The following KDELR2 variants were observed in gnomAD, a reference collection of about 807,000 sequenced individuals.
The protein encoded by KDELR2 is ER lumen protein-retaining receptor 2.
In KDELR2, 15 loss-of-function variants were observed where a neutral mutation model predicts 23.9. The ratio of observed to expected loss-of-function variants is 0.63; its 90% CI spans 0.42 to 0.97. The LOEUF (loss-of-function observed/expected upper bound fraction) is 0.97, where lower values mean the gene tolerates loss of function less well. KDELR2 is among the 50% of genes least tolerant of loss of function. The probability of loss-of-function intolerance (pLI) is 0.00; values close to 1 mark genes in which losing one functional copy is unlikely to be tolerated. For missense variants in KDELR2, 272 were observed against 254.6 expected, an observed-to-expected ratio of 1.07 and a Z score of -0.46; for synonymous variants, 119 against 106.2, an observed-to-expected ratio of 1.12 and a Z score of -0.74.
Position 6,462,712 on chromosome 7 carries a change from G to C in KDELR2, c.*429C>G. ...TGCCAAAAAATAAATATAGTGGAAT[G>C]CAAGTTTGAGGGATGGAAGAATATA... On this transcript the variant is annotated 3_prime_UTR_variant, in exon 5 of 5. Coordinates refer to ENST00000258739, the MANE Select transcript of KDELR2 (RefSeq NM_006854.4). 2.9e-6 allele frequency: 1 copy of C among 346,916 alleles called. No homozygotes were observed. The highest frequency in any genetic ancestry group is 5.2e-6 in the Non-Finnish European group (1 of 193,466). 21.5% of individuals were successfully genotyped at this position (346,916 alleles called of 1,614,324 possible).
intron 3 of KDELR2, among the ~76,000 whole-genome samples, chr7:6,469,238 C>A (rs1239688063): frequency 6.6e-6 from 1 of 152,046 alleles, no homozygotes; most frequent in Non-Finnish European, 1.5e-5. Flanking sequence ...AGGCGTGAGC[C>A]ACTACGCCCA....
At chr7:6,469,911 T>C in intron 2 of KDELR2, 157 bp from the exon 3 acceptor site, 1 of 624,724 alleles carries the variant, frequency 1.6e-6, no homozygotes, top group Non-Finnish European at 2.6e-6. Flanking sequence ...ATTCTCTTTT[T>C]TGGAGGTGTT....
At chr7:6,479,166 T>C (rs1785825586) in intron 1 of KDELR2, among the ~76,000 whole-genome samples, 2 of 152,074 alleles carry the variant, frequency 1.3e-5, no homozygotes, top group South Asian at 4.1e-4. Context: ...CTTTTGTTTG[T>C]CTTTTGTTTT....
intron 4 of KDELR2, 135 bp downstream of exon 4, chr7:6,465,936 A>G: frequency 1.1e-6 from 1 of 885,744 alleles, no homozygotes; most frequent in Non-Finnish European, 1.7e-6. Context: ...CTGATCCAGA[A>G]TGTTATTGGC....
intron 4 of KDELR2, among the ~76,000 whole-genome samples, chr7:6,463,632 CAGG>C (rs148298797): frequency 4.7e-4 from 72 of 151,774 alleles, no homozygotes; most frequent in Non-Finnish European, 9.7e-4. Context: ...CCCAGCTACT[CAGG>C]AGGATGAGCA....
chr7:6,461,138 G>C lies in KDELR2; in HGVS notation c.*2003C>G, dbSNP rs544085767. 6.6e-6 allele frequency: 1 copy of C among 152,190 alleles called. No individual in the cohort carries two copies. Among genetic ancestry groups the C allele is most frequent in the Non-Finnish European group, 1.5e-5 (1 of 68,034 alleles). 9.4% of individuals were successfully genotyped at this position (152,190 alleles called of 1,614,324 possible). A position where few individuals can be genotyped will look rare whatever the true frequency, so the allele number is the denominator to read the frequency against. On this transcript the variant is annotated 3_prime_UTR_variant, in exon 5 of 5. Transcript: ENST00000258739. The stretch of plus-strand genomic sequence containing the variant: ...GGGAAGTGAAAGTAACTGTGAAACA[G>C]TGCTTCATAAGGCGTGGCATACAAG...
At chr7:6,468,074 C>G (rs1345259663) in intron 3 of KDELR2, among the ~76,000 whole-genome samples, 1 of 152,168 alleles carries the variant, frequency 6.6e-6, no homozygotes, top group Non-Finnish European at 1.5e-5. Context: ...AGGCAGGGCT[C>G]TGTGTTTGGT....
Position 6,484,069 on chromosome 7 carries a change from C to CGGT in KDELR2, c.-15_-13dup. On this transcript the variant is annotated 5_prime_UTR_variant, in exon 1 of 5. Transcript: ENST00000258739. ...CGGAAAATGTTCATGGCGGCGGCGG[C>CGGT]GGTGGCGGTCGGCGCAGCGCGGCGG... The CGGT allele has an allele frequency of 1.4e-6, 2 of 1,471,016 alleles. No individual in the cohort carries two copies. Among genetic ancestry groups the CGGT allele is most frequent in the Non-Finnish European group, 1.8e-6 (2 of 1,104,786 alleles). 91.1% of individuals were successfully genotyped at this position (1,471,016 alleles called of 1,614,324 possible). A position where few individuals can be genotyped will look rare whatever the true frequency, so the allele number is the denominator to read the frequency against.
At chr7:6,472,165 A>G (rs1458976860) in intron 2 of KDELR2, among the ~76,000 whole-genome samples, 1 of 152,176 alleles carries the variant, frequency 6.6e-6, no homozygotes, top group Non-Finnish European at 1.5e-5. Context: ...ACATGCATAA[A>G]CAAGACACAC....
rs1785425494 is a variant in KDELR2 at position 6,463,187 on chromosome 7, A to C, written c.605-12T>G. ...CTTTCCCTTGAGTACTAGAATTTCA[A>C]AGAGAAGAAAAGAAAACAAAAGGTT... is the stretch of plus-strand genomic sequence containing the variant. On this transcript the variant is annotated splice_polypyrimidine_tract_variant and intron_variant, in intron 4 of 4. Coordinates refer to ENST00000258739, the MANE Select transcript of KDELR2 (RefSeq NM_006854.4). The C allele has an allele frequency of 6.2e-7, 1 of 1,601,076 alleles. No individual in the cohort carries two copies.
chr7:6,474,150 G>A, intron 2 of KDELR2, 34 bp downstream of exon 2: 3 of 1,319,416 alleles, frequency 2.3e-6, no homozygotes, highest in Non-Finnish European at 3.3e-6. Flanking sequence ...GTGCACTGTA[G>A]ATGAAATACA....
At chr7:6,482,943 C>CTGCA (rs1205810148) in intron 1 of KDELR2, among the ~76,000 whole-genome samples, 1 of 150,910 alleles carries the variant, frequency 6.6e-6, no homozygotes, top group African/African-American at 2.4e-5. Context: ...GAGGTAGAGG[C>CTGCA]TGCAGTGAGC....
chr7:6,479,622 G>A (rs527548694), intron 1 of KDELR2, among the ~76,000 whole-genome samples: 2 of 152,132 alleles, frequency 1.3e-5, no homozygotes, highest in South Asian at 2.1e-4. Context: ...GACTACAGCC[G>A]CCCGCCACCA....
rs1396350979 is a variant in KDELR2 at position 6,466,157 on chromosome 7, T to G, written c.518A>C (p.Glu173Ala). 5 of 1,613,968 alleles carry G rather than the reference T, an allele frequency of 3.1e-6. No homozygotes were observed. The highest frequency in any genetic ancestry group is 4.2e-6 in the Non-Finnish European group (5 of 1,180,012). Residue 173 changes from glutamate (E) to alanine (A), a missense_variant, in exon 4 of 5, where the codon GAG becomes GCG. Physicochemically the swap from Glu to Ala is moderately radical, Grantham distance 107. Transcript: ENST00000258739. The stretch of plus-strand genomic sequence containing the variant: ...CACAGCAATGAGGTCAAAGAAGCCC[T>G]CAAAGTAGAAGCGCCAGATCCAGTT... ...LVNWIWRFYF[E>A]GFFDLIAVVA...
At chr7:6,483,434 C>T (rs980142738) in intron 1 of KDELR2, among the ~76,000 whole-genome samples, 3 of 152,226 alleles carry the variant, frequency 2.0e-5, no homozygotes, top group Non-Finnish European at 2.9e-5. Flanking sequence ...ACCTAGAGCC[C>T]GGTCTTGCAC....
Position 6,474,242 on chromosome 7 carries a change from G to A in KDELR2, c.134C>T (p.Thr45Ile). ...AGTAAAAAGATCCAGGTAACGAGTT[G>A]TGAAGACCAGTGCAAACAGAAGCTG... ...KSQLLFALVF[T>I]TRYLDLFTSF... Residue 45 changes from threonine to isoleucine, a missense_variant, in exon 2 of 5, where the codon ACA becomes ATA. Physicochemically the swap from Thr to Ile is moderately conservative, Grantham distance 89. Transcript: ENST00000258739. 6.2e-7 allele frequency: 1 copy of A among 1,613,936 alleles called. No individual in the cohort carries two copies. The highest frequency in any genetic ancestry group is 1.1e-5 in the South Asian group (1 of 91,066).
intron 2 of KDELR2, among the ~76,000 whole-genome samples, chr7:6,473,053 G>A (rs903096848): frequency 1.4e-5 from 2 of 146,816 alleles, no homozygotes; most frequent in Non-Finnish European, 3.0e-5. Flanking sequence ...GACTACAGGA[G>A]TATGCCACCA....
intron 1 of KDELR2, among the ~76,000 whole-genome samples, chr7:6,480,068 A>G (rs1785856011): frequency 6.6e-6 from 1 of 152,224 alleles, no homozygotes; most frequent in African/African-American, 2.4e-5. Context: ...TTTACAACCT[A>G]CATAACAGCT....
In KDELR2 at chr7:6,466,058, G is replaced by A. The variant is rs756559333; in HGVS notation, c.604+13C>T. On this transcript the variant is annotated intron_variant, in intron 4 of 4. Coordinates refer to ENST00000258739, the MANE Select transcript of KDELR2 (RefSeq NM_006854.4). ...CGTCACTCTAGAAACAACGCAGGTC[G>A]CACCCAACATACCTTTTGTAATGTA... 40 of 1,611,850 alleles carry A rather than the reference G, an allele frequency of 2.5e-5. No homozygotes were observed. The highest frequency in any genetic ancestry group is 2.2e-4 in the East Asian group (10 of 44,856).
Sources: allele counts gnomAD v4.1 joint callset (sites outside exome capture counted in the v4.1 genomes callset), GRCh38; gene constraint gnomAD v4.1.1; transcripts MANE v1.5; gene names NCBI Gene and HGNC (gene_info 2026-07-23, HGNC 2026-07-21).